ERAP1: variants seen among roughly 807,000 people sequenced by gnomAD.
The protein encoded by ERAP1 is adipocyte-derived leucine aminopeptidase.
ERAP1 carries 86 observed loss-of-function variants against 103.7 expected under a neutral mutation model. The observed-to-expected ratio is 0.83, with a 90% CI of 0.70 to 0.99. ERAP1 has a LOEUF of 0.99. ERAP1 is among the 50% of genes least tolerant of loss of function. The probability of loss-of-function intolerance (pLI) is 0.00; values close to 1 mark genes in which losing one functional copy is unlikely to be tolerated. For missense variants in ERAP1, 1,009 were observed against 1,128.4 expected, an observed-to-expected ratio of 0.89 and a Z score of 1.52; for synonymous variants, 398 against 402.4, an observed-to-expected ratio of 0.99 and a Z score of 0.13.
chr5:96,781,416 A>G (rs1327033385), intron 16 of ERAP1, among the ~76,000 whole-genome samples: 2 of 152,104 alleles, frequency 1.3e-5, no homozygotes, highest in Non-Finnish European at 2.9e-5. Context: ...ATACCCTCTC[A>G]TTTGCTCAAA....
intron 15 of ERAP1, among the ~76,000 whole-genome samples, chr5:96,782,322 T>TA (rs1180830684): frequency 9.2e-5 from 14 of 151,834 alleles, no homozygotes; most frequent in South Asian, 2.1e-4. Context: ...TTACACTTTA[T>TA]AAAAAAAAGG....
At chr5:96,845,641 A>C in the ERAP1 span, among the ~76,000 whole-genome samples, 2 of 152,218 alleles carry the variant, frequency 1.3e-5, no homozygotes, top group Non-Finnish European at 2.9e-5. Context: ...AATTTAAGCT[A>C]TATTTGCCTA....
the ERAP1 span, among the ~76,000 whole-genome samples, chr5:96,828,889 C>T: frequency 1.3e-5 from 2 of 152,016 alleles, no homozygotes; most frequent in Non-Finnish European, 2.9e-5. Context: ...ACTCTGTCAC[C>T]AGGCTGGAGT....
At chr5:96,887,309 T>TC in the ERAP1 span, among the ~76,000 whole-genome samples, 1 of 150,968 alleles carries the variant, frequency 6.6e-6, no homozygotes, top group Non-Finnish European at 1.5e-5. Context: ...CCGACTTTTT[T>TC]TTTTTTTTTG....
chr5:96,767,812 A>G, intron 19 of ERAP1: 2 of 738,038 alleles, frequency 2.7e-6, no homozygotes, highest in Non-Finnish European at 4.8e-6. Context: ...TTTCTTATAG[A>G]AACATCTTTT....
At chr5:96,778,995 C>T (rs1446146667) in intron 18 of ERAP1, among the ~76,000 whole-genome samples, 2 of 152,180 alleles carry the variant, frequency 1.3e-5, no homozygotes, top group Non-Finnish European at 1.5e-5. Flanking sequence ...CCTGATATTT[C>T]CTCTGCACAC....
At chr5:96,823,861 A>G in the ERAP1 span, among the ~76,000 whole-genome samples, 1 of 152,218 alleles carries the variant, frequency 6.6e-6, no homozygotes, top group Admixed American at 6.5e-5. Context: ...GGCATATTCA[A>G]ATTGCCAGCA....
the ERAP1 span, chr5:96,881,206 A>G: frequency 2.9e-6 from 1 of 347,680 alleles, no homozygotes; most frequent in Non-Finnish European, 5.7e-6. Context: ...TTTATGCTTT[A>G]TAAAGATCAA....
chr5:96,786,522 G>T lies in ERAP1; in HGVS notation c.1707C>A (p.Phe569Leu), dbSNP rs867003965. The change falls in exon 12 of 19, where the codon TTC (phenylalanine) becomes TTA (leucine). Residue 569 changes from phenylalanine to leucine, a missense_variant. Phe to Leu is a conservative substitution (Grantham distance 22). Transcript: ENST00000443439. Reference protein sequence around the residue: ...TGYLWHVPLTFITSKSDMVHR... With the variant: ...TGYLWHVPLTLITSKSDMVHR... ...GGACCATGTCGGATTTGCTGGTGAT[G>T]AATGTCAATGGAACATGCCACAGGT... The T allele has an allele frequency of 3.1e-6, 5 of 1,612,644 alleles. No homozygotes were observed. Among genetic ancestry groups the T allele is most frequent in the Non-Finnish European group, 4.2e-6 (5 of 1,179,056 alleles).
At chr5:96,902,427 T>C in the ERAP1 span, 3 of 876,660 alleles carry the variant, frequency 3.4e-6, no homozygotes, top group Non-Finnish European at 5.7e-6. Context: ...GAAGGAACGA[T>C]ACAATAAGTA....
At chr5:96,877,271 G>A in the ERAP1 span, among the ~76,000 whole-genome samples, 4 of 152,130 alleles carry the variant, frequency 2.6e-5, no homozygotes, top group Non-Finnish European at 5.9e-5. Context: ...CACTGTGCCC[G>A]GTCCTGTTTC....
chr5:96,780,503 A>G lies in ERAP1; in HGVS notation c.2590T>C (p.Phe864Leu). Residue 864 changes from phenylalanine to leucine, a missense_variant and splice_region_variant, in exon 18 of 19, where the codon TTT (phenylalanine) becomes CTT (leucine). Phe to Leu is a conservative substitution (Grantham distance 22). Around this residue, in one of 3 missense-constraint regions of ERAP1, gnomAD observed 611 missense variants for 651.7 expected, o/e 0.94. Coordinates refer to ENST00000443439, the MANE Select transcript of ERAP1 (RefSeq NM_001040458.3). ...RKNWNKLVQK[F>L]ELGSSSIAHM... is the part of the protein sequence containing the mutation. ...GCTATGGAAGATGAGCCAAGTTCAA[A>G]CCTAGAGAGGGAAATATTCAAAAAC... is the stretch of plus-strand genomic sequence containing the variant. The G allele has an allele frequency of 6.2e-7, 1 of 1,610,842 alleles. No individual in the cohort carries two copies. The highest frequency in any genetic ancestry group is 8.5e-7 in the Non-Finnish European group (1 of 1,177,126).
Position 96,775,269 on chromosome 5 carries a change from AAAG to A in ERAP1, c.*1124_*1126del, listed in dbSNP as rs1474949450. Reference sequence around the variant, plus strand: ...ACCGTGTGTGAAGTCTTCACAAAAGAAAGAAAGACTTCAAAGCCAAAGAATGTC... The same window carrying A: ...ACCGTGTGTGAAGTCTTCACAAAAGAAAAGACTTCAAAGCCAAAGAATGTC... On this transcript the variant is annotated 3_prime_UTR_variant, in exon 19 of 19. Coordinates refer to ENST00000443439, the MANE Select transcript of ERAP1 (RefSeq NM_001040458.3). 1.2e-6 allele frequency: 1 copy of A among 838,330 alleles called. No individual in the cohort carries two copies. The highest frequency in any genetic ancestry group is 1.3e-6 in the Non-Finnish European group (1 of 762,282). The allele number at this position is 838,330 out of a possible 1,614,324, so 51.9% of individuals were successfully genotyped here.
At chr5:96,872,548 G>A in the ERAP1 span, among the ~76,000 whole-genome samples, 1 of 152,290 alleles carries the variant, frequency 6.6e-6, no homozygotes, top group East Asian at 1.9e-4. Context: ...CCAATAAGCT[G>A]TAATTGTGCC....
rs769003642 is a variant in ERAP1 at position 96,793,480 on chromosome 5, T to G, written c.1108A>C (p.Asn370His). ...FGNLVTMEWW[N>H]DLWLNEGFAK... ...AATCCTTCATTTAGCCAAAGATCAT[T>G]CCACCATTCCATAGTGACCAGGTTC... Residue 370 changes from asparagine to histidine, a missense_variant, in exon 7 of 19, where the codon AAT (asparagine) becomes CAT (histidine). Physicochemically the swap from Asn to His is moderately conservative, Grantham distance 68. Around this residue, in one of 3 missense-constraint regions of ERAP1, gnomAD observed 392 missense variants for 455.2 expected, o/e 0.86. Coordinates refer to ENST00000443439, the MANE Select transcript of ERAP1 (RefSeq NM_001040458.3). 1.6e-5 allele frequency: 26 copies of G among 1,613,724 alleles called. No individual in the cohort carries two copies. Among genetic ancestry groups the G allele is most frequent in the Non-Finnish European group, 6.8e-6 (8 of 1,179,852 alleles).
the ERAP1 span, among the ~76,000 whole-genome samples, chr5:96,853,642 T>A: frequency 6.6e-6 from 1 of 151,974 alleles, no homozygotes; most frequent in Non-Finnish European, 1.5e-5. Flanking sequence ...ATTCACATCA[T>A]AGAATAGGGA....
At chr5:96,842,894 C>G in the ERAP1 span, among the ~76,000 whole-genome samples, 1 of 152,120 alleles carries the variant, frequency 6.6e-6, no homozygotes, top group Non-Finnish European at 1.5e-5. Flanking sequence ...CTGTTATCTT[C>G]TAGAAATTTT....
chr5:96,921,276 C>T, the ERAP1 span, among the ~76,000 whole-genome samples: 7 of 152,252 alleles, frequency 4.6e-5, no homozygotes, highest in Non-Finnish European at 8.8e-5. Context: ...TCCTTACTAA[C>T]TTTCCAGGTC....
At chr5:96,906,758 G>A in the ERAP1 span, among the ~76,000 whole-genome samples, 82,437 of 152,024 alleles carry the variant, frequency 0.54, 22,421 homozygotes, top group Admixed American at 0.59. Flanking sequence ...CACATTGGGC[G>A]CAGTGGCTCA....
Sources: gnomAD v4.1 joint callset for allele counts (sites outside exome capture counted in the v4.1 genomes callset) on GRCh38, gnomAD v4.1.1 for gene constraint, gnomAD v4.1.1 regional missense constraint, MANE v1.5 for transcripts, NCBI Gene and HGNC (gene_info 2026-07-23, HGNC 2026-07-21) for gene names.